Variants in FHIT observed in about 807,000 individuals in gnomAD.
FHIT encodes the protein bis(5'-adenosyl)-triphosphatase.
Under a neutral mutation model 17.9 loss-of-function variants are expected in FHIT, and 19 were observed. That is an observed-to-expected ratio of 1.06 (90% confidence interval 0.74 to 1.56). The LOEUF is 1.56. Ranked by LOEUF, FHIT falls within the 40% of genes most tolerant of loss-of-function variation. The pLI, the probability that FHIT is intolerant of heterozygous loss-of-function variation, is 0.00. For missense variants in FHIT, 248 were observed against 189.2 expected (o/e 1.31, Z -1.82); for synonymous variants, 81 against 69.7 (o/e 1.16, Z -0.81).
chr3:61,249,493 A>G (rs555800432), intron 1 of FHIT, among the ~76,000 whole-genome samples: 6 of 152,328 alleles, frequency 3.9e-5, no homozygotes, highest in South Asian at 4.1e-4. Flanking sequence ...GTAGCCAGAA[A>G]GGTTGGACTC....
At chr3:60,341,686 C>T (rs1039532166) in intron 5 of FHIT, among the ~76,000 whole-genome samples, 7 of 151,952 alleles carry the variant, frequency 4.6e-5, no homozygotes, top group Non-Finnish European at 7.4e-5. Context: ...TTATAATTAG[C>T]AACAGTCTTT....
intron 5 of FHIT, among the ~76,000 whole-genome samples, chr3:60,236,302 T>C (rs949656106): frequency 2.7e-5 from 4 of 148,962 alleles, no homozygotes; most frequent in South Asian, 2.2e-4. Flanking sequence ...AGGACAAAGA[T>C]AGCATCTCAT....
Position 60,882,574 on chromosome 3 carries a change from A to G in FHIT, c.-110-60563T>C, listed in dbSNP as rs896470210. Among the ~76,000 whole-genome samples the G allele has an allele frequency of 3.3e-5, 5 of 152,324 alleles. No homozygotes were observed. The South Asian group carries it at 8.3e-4, about 25-fold the overall frequency. Reference sequence around the variant, plus strand: ...AAGGACGGTTCAACATATGCTAATCAATAAATGTGATACTTCACATTAACA... The same window carrying G: ...AAGGACGGTTCAACATATGCTAATCGATAAATGTGATACTTCACATTAACA... On this transcript the variant is annotated intron_variant, in intron 3 of 9. Coordinates refer to ENST00000492590, the MANE Select transcript of FHIT (RefSeq NM_002012.4).
intron 5 of FHIT, among the ~76,000 whole-genome samples, chr3:60,368,417 T>C (rs762810745): frequency 5.3e-5 from 8 of 151,986 alleles, no homozygotes; most frequent in Non-Finnish European, 8.8e-5. Context: ...AATGGACTTA[T>C]TGGCATTTGA....
At chr3:60,407,637 C>T (rs1701916591) in intron 5 of FHIT, among the ~76,000 whole-genome samples, 3 of 152,166 alleles carry the variant, frequency 2.0e-5, no homozygotes, top group Non-Finnish European at 1.5e-5. Context: ...ATCTCGGCCT[C>T]CCAAATAGCT....
chr3:61,214,161 C>G (rs1264629295), intron 1 of FHIT, among the ~76,000 whole-genome samples: 1 of 152,060 alleles, frequency 6.6e-6, no homozygotes, highest in Non-Finnish European at 1.5e-5. Flanking sequence ...AAAATCAGAG[C>G]AGAACTGAAG....
At chr3:60,242,858 T>A (rs1705204594) in intron 5 of FHIT, among the ~76,000 whole-genome samples, 1 of 152,040 alleles carries the variant, frequency 6.6e-6, no homozygotes, top group South Asian at 2.1e-4. Flanking sequence ...TATAAACACA[T>A]ACACATATGT....
intron 5 of FHIT, among the ~76,000 whole-genome samples, chr3:60,525,500 T>C (rs1287131359): frequency 6.6e-6 from 1 of 152,160 alleles, no homozygotes; most frequent in Admixed American, 6.5e-5. Flanking sequence ...GAATCTCAAC[T>C]TAGTGGGAGA....
intron 1 of FHIT, among the ~76,000 whole-genome samples, chr3:61,215,753 G>A (rs2039653110): frequency 6.6e-6 from 1 of 152,112 alleles, no homozygotes; most frequent in African/African-American, 2.4e-5. Context: ...TATACTACAA[G>A]GCTACAGTAA....
chr3:59,864,742 A>T (rs1408357451), intron 8 of FHIT, among the ~76,000 whole-genome samples: 1 of 151,572 alleles, frequency 6.6e-6, no homozygotes, highest in Non-Finnish European at 1.5e-5. Flanking sequence ...CTAAGAAGCA[A>T]TGCTTTTCTG....
intron 3 of FHIT, among the ~76,000 whole-genome samples, chr3:60,841,527 A>G (rs1702723550): frequency 6.6e-6 from 1 of 152,228 alleles, no homozygotes; most frequent in African/African-American, 2.4e-5. Flanking sequence ...TTATTTCTCA[A>G]TGTCTATGCT....
chr3:60,302,837 G>A (rs1287739368), intron 5 of FHIT, among the ~76,000 whole-genome samples: 2 of 152,086 alleles, frequency 1.3e-5, no homozygotes, highest in African/African-American at 2.4e-5. Flanking sequence ...AATGGGGGCT[G>A]ATCTAAATTT....
At chr3:60,158,280 A>G (rs1037555740) in intron 5 of FHIT, among the ~76,000 whole-genome samples, 1 of 152,068 alleles carries the variant, frequency 6.6e-6, no homozygotes, top group East Asian at 1.9e-4. Context: ...CTCTGAGACC[A>G]TGATAAAGTA....
chr3:60,720,534 A>G (rs1553707787), intron 4 of FHIT, among the ~76,000 whole-genome samples: 3 of 152,174 alleles, frequency 2.0e-5, no homozygotes, highest in African/African-American at 7.2e-5. Context: ...TAGTCTTGCT[A>G]AAAACTAGAC....
chr3:61,074,675 T>C (rs2034916691), intron 2 of FHIT, among the ~76,000 whole-genome samples: 1 of 152,108 alleles, frequency 6.6e-6, no homozygotes, highest in South Asian at 2.1e-4. Flanking sequence ...GTCAATTACC[T>C]CTCTTCTTCT....
chr3:60,816,169 A>G (rs1238628904), intron 4 of FHIT, among the ~76,000 whole-genome samples: 3 of 152,118 alleles, frequency 2.0e-5, no homozygotes, highest in Non-Finnish European at 4.4e-5. Flanking sequence ...TAGGAATAGA[A>G]TCATATTGTC....
At chr3:60,597,674 G>T (rs1301251840) in intron 4 of FHIT, among the ~76,000 whole-genome samples, 4 of 152,110 alleles carry the variant, frequency 2.6e-5, no homozygotes, top group African/African-American at 9.7e-5. Flanking sequence ...GTGTGAACAT[G>T]GGAGGGTAAC....
At chr3:61,043,542 C>A (rs565239461) in intron 2 of FHIT, among the ~76,000 whole-genome samples, 92 of 152,350 alleles carry the variant, frequency 6.0e-4, no homozygotes, top group African/African-American at 2.1e-3. Flanking sequence ...GTAGTCTCCA[C>A]CTCTGGGGGC....
At chr3:61,115,270 T>C (rs1004127112) in intron 2 of FHIT, among the ~76,000 whole-genome samples, 1 of 152,134 alleles carries the variant, frequency 6.6e-6, no homozygotes, top group East Asian at 1.9e-4. Flanking sequence ...ATCCTTGGAC[T>C]GGAAGAGAAA....
Sources: gnomAD v4.1 joint callset for allele counts (sites outside exome capture counted in the v4.1 genomes callset) on GRCh38, gnomAD v4.1.1 for gene constraint, MANE v1.5 for transcripts, NCBI Gene and HGNC (gene_info 2026-07-23, HGNC 2026-07-21) for gene names.